Variants in CRYZL1 observed in about 807,000 individuals in gnomAD.
CRYZL1 encodes the protein crystallin zeta like 1.
CRYZL1 carries 34 observed loss-of-function variants against 50.6 expected under a neutral mutation model. That is an observed-to-expected ratio of 0.67 (90% confidence interval 0.51 to 0.89). The LOEUF is 0.89. Ranked by LOEUF, CRYZL1 falls within the 40% of genes least tolerant of loss-of-function variation. The probability of loss-of-function intolerance (pLI) is 0.00; values close to 1 mark genes in which losing one functional copy is unlikely to be tolerated. For synonymous variants in CRYZL1, 125 were observed against 134.3 expected (o/e 0.93, Z 0.48); for missense variants, 354 against 402.3 (o/e 0.88, Z 1.03).
chr21:33,625,401 C>T (rs1014024135), intron 2 of CRYZL1, among the ~76,000 whole-genome samples: 13 of 152,098 alleles, frequency 8.5e-5, no homozygotes, highest in Non-Finnish European at 2.9e-5. Flanking sequence ...GTGATCCGCC[C>T]GCCTCGGCCT....
chr21:33,624,111 TATAAA>T (rs1487733975), intron 3 of CRYZL1, among the ~76,000 whole-genome samples: 1 of 152,168 alleles, frequency 6.6e-6, no homozygotes, highest in African/African-American at 2.4e-5. Context: ...TATAAAATAT[TATAAA>T]ATATTTACAT....
chr21:33,601,493 G>T (rs975155883), intron 8 of CRYZL1, among the ~76,000 whole-genome samples: 5 of 152,078 alleles, frequency 3.3e-5, no homozygotes, highest in Admixed American at 3.3e-4. Context: ...CCTGCATCAG[G>T]TGTTTCTAAA....
At chr21:33,603,357 G>A in intron 7 of CRYZL1, 47 bp downstream of exon 7, 3 of 1,595,910 alleles carry the variant, frequency 1.9e-6, no homozygotes, top group Non-Finnish European at 2.6e-6. Context: ...AATTTCCTAA[G>A]TTTACTGTAT....
At chr21:33,616,943 GA>G (rs1246661631) in intron 4 of CRYZL1, 193 bp from the exon 5 acceptor site, 6 of 394,674 alleles carry the variant, frequency 1.5e-5, no homozygotes, top group Non-Finnish European at 2.7e-5. Flanking sequence ...TTCAAATCTG[GA>G]TTCTCTAGAT....
intron 7 of CRYZL1, among the ~76,000 whole-genome samples, chr21:33,602,881 C>T (rs1247344173): frequency 6.6e-6 from 1 of 152,154 alleles, no homozygotes; most frequent in African/African-American, 2.4e-5. Context: ...CATCACAAGC[C>T]AGTTAGAAAA....
At chr21:33,628,688 A>G (rs2087099635) in intron 2 of CRYZL1, among the ~76,000 whole-genome samples, 1 of 147,620 alleles carries the variant, frequency 6.8e-6, no homozygotes, top group Non-Finnish European at 1.5e-5. Context: ...TGCAGCCTTG[A>G]CCTCCTGGGC....
intron 11 of CRYZL1, chr21:33,595,145 TTTA>T (rs2086681472): frequency 2.8e-6 from 3 of 1,056,400 alleles, no homozygotes; most frequent in South Asian, 2.8e-5. Context: ...TTCCAAACTT[TTTA>T]TTATTTTTAC....
rs1273070269 is a variant in CRYZL1, at chr21:33,608,734, A to G, written c.331+4804T>C. ...CTTTTTAAAGGCTGAACAGTATTCC[A>G]TTGTGTATATCTATATCATATTATT... On this transcript the variant is annotated intron_variant, in intron 6 of 12. Transcript: ENST00000381554. 2.7e-4 allele frequency among the ~76,000 whole-genome samples: 41 copies of G among 152,154 alleles called. 1 individual carries two copies. Among genetic ancestry groups the G allele is most frequent in the Admixed American group, 2.7e-3 (41 of 15,270 alleles).
chr21:33,609,408 T>G (rs2086846883), intron 6 of CRYZL1, among the ~76,000 whole-genome samples: 1 of 152,122 alleles, frequency 6.6e-6, no homozygotes, highest in Admixed American at 6.6e-5. Context: ...CAAGCGATTC[T>G]TCCTTCTCAG....
chr21:33,610,105 C>T (rs1057052110), intron 6 of CRYZL1, among the ~76,000 whole-genome samples: 1 of 151,984 alleles, frequency 6.6e-6, no homozygotes, highest in Non-Finnish European at 1.5e-5. Context: ...CTACCTCAGC[C>T]TCCCAAAATG....
rs146096008 is a variant in CRYZL1, at chr21:33,605,530, C to CTTTTTTTTTTTTT, written c.332-1994_332-1993insAAAAAAAAAAAAA. On this transcript the variant is annotated intron_variant, in intron 6 of 12. Coordinates refer to ENST00000381554, the MANE Select transcript of CRYZL1 (RefSeq NM_145858.3). ...GTAATTTTTCCGCAGTACAAGAATT[C>CTTTTTTTTTTTTT]TTTTTTTTTTGAGATGGAGTCTCAC... Among the ~76,000 whole-genome samples the CTTTTTTTTTTTTT allele has an allele frequency of 2.3e-3, 123 of 53,184 alleles. 47 individuals are homozygous for CTTTTTTTTTTTTT. Among genetic ancestry groups the CTTTTTTTTTTTTT allele is most frequent in the African/African-American group, 8.0e-3 (99 of 12,338 alleles). The allele number at this position is 53,184 out of a possible 152,430, so 34.9% of individuals were successfully genotyped here. A position where few individuals can be genotyped will look rare whatever the true frequency, so the allele number is the denominator to read the frequency against.
rs2086621989 is a variant in CRYZL1, at chr21:33,589,681, G to A, written c.*141C>T. ...AACACTTTTCAAATGTGTCAACTGAGCATCTTGTCTTAGCAGAGAAACGTG... is the reference window on the plus strand; with the variant it reads ...AACACTTTTCAAATGTGTCAACTGAACATCTTGTCTTAGCAGAGAAACGTG... On this transcript the variant is annotated 3_prime_UTR_variant, in exon 13 of 13. Transcript: ENST00000381554. 2 of 610,540 alleles carry A rather than the reference G, an allele frequency of 3.3e-6. No homozygotes were observed. Among genetic ancestry groups the A allele is most frequent in the Admixed American group, 3.0e-5 (1 of 33,332 alleles). The allele number at this position is 610,540 out of a possible 1,614,324, so 37.8% of individuals were successfully genotyped here.
chr21:33,616,184 T>A lies in CRYZL1; in HGVS notation c.262+522A>T, dbSNP rs184518013. On this transcript the variant is annotated intron_variant, in intron 5 of 12. Transcript: ENST00000381554. ...ATGAGTGAGAATATGCGGTGTTTGG[T>A]TTTTTGTTCTTGTGAGTTTTAAATG... 9.3e-4 allele frequency: 142 copies of A among 152,852 alleles called. 1 individual carries two copies. The highest frequency in any genetic ancestry group is 2.4e-3 in the South Asian group (12 of 4,916). 9.5% of individuals were successfully genotyped at this position (152,852 alleles called of 1,614,324 possible).
At chr21:33,619,070 G>A (rs547954005) in intron 4 of CRYZL1, among the ~76,000 whole-genome samples, 1 of 151,872 alleles carries the variant, frequency 6.6e-6, no homozygotes, top group African/African-American at 2.4e-5. Context: ...TAAGTTCCTT[G>A]AACTCAGTAA....
At chr21:33,637,937 GT>G (rs1278882488) in intron 1 of CRYZL1, among the ~76,000 whole-genome samples, 1 of 151,770 alleles carries the variant, frequency 6.6e-6, no homozygotes, top group African/African-American at 2.4e-5. Flanking sequence ...GTTGGGACCT[GT>G]GCATAGCATT....
At position 33,616,511 on chromosome 21, in the gene CRYZL1, C is replaced by T. The variant is rs1378057802; in HGVS notation, c.262+195G>A. On this transcript the variant is annotated intron_variant, in intron 5 of 12. Coordinates refer to ENST00000381554, the MANE Select transcript of CRYZL1 (RefSeq NM_145858.3). ...TTCTCCATGTTGGTCAGGCTGGTCT[C>T]GAACTCCCGACCTCAGGTGATTCGC... The T allele has an allele frequency of 9.6e-6, 10 of 1,039,790 alleles. 1 individual carries two copies. The highest frequency in any genetic ancestry group is 5.2e-5 in the Admixed American group (2 of 38,106). The allele number at this position is 1,039,790 out of a possible 1,614,324, so 64.4% of individuals were successfully genotyped here.
At chr21:33,612,121 G>C (rs1023397338) in intron 6 of CRYZL1, among the ~76,000 whole-genome samples, 1 of 152,066 alleles carries the variant, frequency 6.6e-6, no homozygotes, top group Non-Finnish European at 1.5e-5. Context: ...GCCTCCTAGT[G>C]CACATCAAAT....
chr21:33,641,585 A>C, intron 1 of CRYZL1, 96 bp downstream of exon 1: 1 of 327,922 alleles, frequency 3.0e-6, no homozygotes. Context: ...GCGAACCACC[A>C]TCCTCCCCAG....
chr21:33,594,628 A>C (rs887684951), intron 11 of CRYZL1: 1 of 150,512 alleles, frequency 6.6e-6, no homozygotes, highest in African/African-American at 2.4e-5. Context: ...GCAGTATACT[A>C]ATTACGTAAC....
Sources: allele counts gnomAD v4.1 joint callset (sites outside exome capture counted in the v4.1 genomes callset), GRCh38; gene constraint gnomAD v4.1.1; transcripts MANE v1.5; gene names NCBI Gene and HGNC (gene_info 2026-07-23, HGNC 2026-07-21).